FAM135A: variants seen among roughly 807,000 people sequenced by gnomAD.
The protein encoded by FAM135A is family with sequence similarity 135 member A.
Under a neutral mutation model 146.8 loss-of-function variants are expected in FAM135A, and 79 were observed. The ratio of observed to expected loss-of-function variants is 0.54; its 90% CI spans 0.45 to 0.65. FAM135A has a LOEUF of 0.65. Among genes scored for constraint, FAM135A ranks in the 30% least tolerant of loss-of-function variants. The pLI, the probability that FAM135A is intolerant of heterozygous loss-of-function variation, is 0.00. For missense variants in FAM135A, 1,623 were observed against 1,758.2 expected (o/e 0.92, Z 1.38); for synonymous variants, 562 against 603.6 (o/e 0.93, Z 1.01).
chr6:70,449,238 C>CT (rs113311699), intron 4 of FAM135A, among the ~76,000 whole-genome samples: 127 of 148,524 alleles, frequency 8.6e-4, no homozygotes, highest in African/African-American at 2.6e-3. Context: ...ACCTCACCTA[C>CT]TTTTTTTTTT....
chr6:70,487,083 C>CAAAAAAA (rs34560435), intron 10 of FAM135A, among the ~76,000 whole-genome samples: 21 of 40,508 alleles, frequency 5.2e-4, no homozygotes, highest in Admixed American at 1.6e-3. Context: ...ACTCCCATCT[C>CAAAAAAA]AAAAAAAAAA....
chr6:70,528,039 G>A lies in FAM135A; in HGVS notation c.3615-253G>A, dbSNP rs140441602. ...TCACTCAGAATGTTTTCTTAGAGTT[G>A]ATTTCAAGTTTAAAAGAATATTTTC... On this transcript the variant is annotated intron_variant, in intron 15 of 21. Coordinates refer to ENST00000418814, the MANE Select transcript of FAM135A (RefSeq NM_001162529.3). 5.6e-3 allele frequency among the ~76,000 whole-genome samples: 859 copies of A among 152,210 alleles called. 3 individuals carry two copies. The highest frequency in any genetic ancestry group is 8.2e-3 in the Non-Finnish European group (559 of 67,982).
chr6:70,546,857 T>C (rs138762492), intron 20 of FAM135A, among the ~76,000 whole-genome samples: 2,176 of 152,196 alleles, frequency 0.014, 171 homozygotes, highest in Admixed American at 0.13. Context: ...CATCTCAGCA[T>C]TGGATAGCAG....
At position 70,525,860 on chromosome 6, in the gene FAM135A, T is replaced by C; in HGVS notation, c.2776T>C (p.Ser926Pro). The C allele has an allele frequency of 1.2e-6, 2 of 1,611,880 alleles. No homozygotes were observed. The highest frequency in any genetic ancestry group is 1.7e-6 in the Non-Finnish European group (2 of 1,179,250). ...TAAAGACCCTTTACAATTTGTTTTTTCAGATGAAGAGACTTCCAGTGATGT... is the reference window on the plus strand; with the variant it reads ...TAAAGACCCTTTACAATTTGTTTTTCCAGATGAAGAGACTTCCAGTGATGT... ...SIKDPLQFVF[S>P]DEETSSDVKS... Residue 926 changes from serine to proline, a missense_variant, in exon 15 of 22, where the codon TCA becomes CCA. Ser to Pro is a moderately conservative substitution (Grantham distance 74). This residue lies in a region of FAM135A where 1,061 missense variants were observed against 1,113.8 expected (regional missense o/e 0.95). Transcript: ENST00000418814.
At chr6:70,448,116 G>A (rs2128001300) in intron 4 of FAM135A, among the ~76,000 whole-genome samples, 1 of 152,214 alleles carries the variant, frequency 6.6e-6, no homozygotes. Flanking sequence ...AAAACTAAGA[G>A]CGGTTATTCA....
chr6:70,494,857 C>G (rs1786865836), intron 11 of FAM135A, among the ~76,000 whole-genome samples: 1 of 152,006 alleles, frequency 6.6e-6, no homozygotes, highest in Non-Finnish European at 1.5e-5. Context: ...GGGTTAAAGG[C>G]CAGAGAATTG....
chr6:70,541,046 C>T (rs1354734675), intron 20 of FAM135A, among the ~76,000 whole-genome samples: 4 of 152,176 alleles, frequency 2.6e-5, no homozygotes, highest in Admixed American at 1.3e-4. Flanking sequence ...CCTATGTTTT[C>T]CTTTTAGTTC....
intron 5 of FAM135A, among the ~76,000 whole-genome samples, chr6:70,473,216 C>T (rs1562482106): frequency 6.6e-6 from 1 of 152,296 alleles, no homozygotes; most frequent in East Asian, 1.9e-4. Context: ...CACTTCCTTA[C>T]TTTCTGGTAT....
chr6:70,544,818 A>C (rs1360544978), intron 20 of FAM135A, among the ~76,000 whole-genome samples: 1 of 152,106 alleles, frequency 6.6e-6, no homozygotes, highest in Non-Finnish European at 1.5e-5. Context: ...TGGGAGGCTG[A>C]GGCAGGTGGA....
At chr6:70,556,463 A>T (rs961331814) in intron 20 of FAM135A, among the ~76,000 whole-genome samples, 1 of 152,204 alleles carries the variant, frequency 6.6e-6, no homozygotes, top group Non-Finnish European at 1.5e-5. Context: ...TCTATAGAAC[A>T]TTAGTCCACA....
chr6:70,527,376 G>C (rs1356803022), intron 15 of FAM135A, among the ~76,000 whole-genome samples: 2 of 152,086 alleles, frequency 1.3e-5, no homozygotes, highest in Non-Finnish European at 2.9e-5. Context: ...TATATATAGA[G>C]AGAGATTTTT....
chr6:70,535,505 A>G (rs1267500757), intron 18 of FAM135A, among the ~76,000 whole-genome samples: 1 of 152,036 alleles, frequency 6.6e-6, no homozygotes, highest in East Asian at 1.9e-4. Context: ...TGTGAACGCT[A>G]TTTTAAACTG....
chr6:70,510,527 A>C (rs1018725365), intron 12 of FAM135A, among the ~76,000 whole-genome samples: 1 of 152,106 alleles, frequency 6.6e-6, no homozygotes, highest in African/African-American at 2.4e-5. Context: ...ATGTAATCAT[A>C]CAACATTTTG....
At chr6:70,479,645 C>T (rs1167081528) in intron 8 of FAM135A, among the ~76,000 whole-genome samples, 1 of 152,064 alleles carries the variant, frequency 6.6e-6, no homozygotes, top group African/African-American at 2.4e-5. Context: ...GGTAACATTT[C>T]CTACTCTATA....
intron 4 of FAM135A, among the ~76,000 whole-genome samples, chr6:70,440,715 T>G (rs528489517): frequency 6.6e-6 from 1 of 152,244 alleles, no homozygotes; most frequent in Admixed American, 6.5e-5. Context: ...TCTGTAAGTA[T>G]TCAGTTTGAA....
At chr6:70,461,109 C>T (rs757862431) in intron 5 of FAM135A, among the ~76,000 whole-genome samples, 4 of 152,118 alleles carry the variant, frequency 2.6e-5, no homozygotes, top group Non-Finnish European at 5.9e-5. Flanking sequence ...AGGTGTAAGC[C>T]ACCGTGCCAA....
intron 10 of FAM135A, 107 bp downstream of exon 10, chr6:70,482,261 G>T: frequency 9.4e-7 from 1 of 1,062,812 alleles, no homozygotes; most frequent in South Asian, 2.1e-5. Flanking sequence ...AAACTACAGT[G>T]TTTGTGTGCT....
chr6:70,515,664 G>A (rs1408135485), intron 12 of FAM135A, among the ~76,000 whole-genome samples: 1 of 152,090 alleles, frequency 6.6e-6, no homozygotes, highest in Non-Finnish European at 1.5e-5. Flanking sequence ...GAAGTATTCT[G>A]TATGATACTG....
At chr6:70,531,715 GT>G (rs982621468) in intron 16 of FAM135A, among the ~76,000 whole-genome samples, 3 of 152,050 alleles carry the variant, frequency 2.0e-5, no homozygotes, top group Non-Finnish European at 4.4e-5. Context: ...CTTTAAACAA[GT>G]TACCCATTTG....
Sources: allele counts gnomAD v4.1 joint callset (sites outside exome capture counted in the v4.1 genomes callset), GRCh38; gene constraint gnomAD v4.1.1; regional missense constraint gnomAD v4.1.1; transcripts MANE v1.5; gene names NCBI Gene and HGNC (gene_info 2026-07-23, HGNC 2026-07-21).